The following DGLUCY variants were observed in gnomAD, a reference collection of about 807,000 sequenced individuals.
DGLUCY encodes the protein D-glutamate cyclase, mitochondrial.
DGLUCY carries 58 observed loss-of-function variants against 58.5 expected under a neutral mutation model. The observed-to-expected ratio is 0.99, with a 90% CI of 0.80 to 1.23. The LOEUF (loss-of-function observed/expected upper bound fraction) is 1.23. Ranked by LOEUF, DGLUCY falls within the 50% of genes most tolerant of loss-of-function variation. DGLUCY has a pLI of 0.00. For missense variants in DGLUCY, 779 were observed against 784.7 expected (o/e 0.99, Z 0.09); for synonymous variants, 325 against 314.1 (o/e 1.03, Z -0.37).
chr14:91,189,285 T>C, intron 9 of DGLUCY, 115 bp downstream of exon 9: 1 of 1,347,724 alleles, frequency 7.4e-7, no homozygotes, highest in Non-Finnish European at 1.0e-6. Context: ...AACAACTCCG[T>C]TGTAAGCTGC....
intron 1 of DGLUCY, among the ~76,000 whole-genome samples, chr14:91,072,882 G>A (rs1294099483): frequency 2.6e-5 from 4 of 151,974 alleles, no homozygotes; most frequent in Non-Finnish European, 2.9e-5. Flanking sequence ...GGTGGCGGGC[G>A]CCTGTCGTCC....
chr14:91,069,979 G>A (rs2043889162), intron 1 of DGLUCY, among the ~76,000 whole-genome samples: 1 of 151,532 alleles, frequency 6.6e-6, no homozygotes, highest in Admixed American at 6.6e-5. Flanking sequence ...TAAATAAGAA[G>A]GCATTTAGTT....
At chr14:91,116,803 G>C (rs57595747) in intron 1 of DGLUCY, among the ~76,000 whole-genome samples, 4,544 of 152,146 alleles carry the variant, frequency 0.03, 213 homozygotes, top group African/African-American at 0.1. Flanking sequence ...AATTAGCTGG[G>C]TGTGGTGGTA....
intron 1 of DGLUCY, among the ~76,000 whole-genome samples, chr14:91,138,630 C>T (rs2046474699): frequency 1.3e-5 from 2 of 152,170 alleles, no homozygotes; most frequent in African/African-American, 4.8e-5. Context: ...ATTTAAGCAC[C>T]TCCACAAGGT....
chr14:91,177,314 A>G (rs57062775), intron 7 of DGLUCY, among the ~76,000 whole-genome samples: 17,538 of 152,228 alleles, frequency 0.12, 1,486 homozygotes, highest in African/African-American at 0.22. Flanking sequence ...GATTAAATAT[A>G]TATTTTTATC....
At chr14:91,083,326 G>A (rs143452196) in intron 1 of DGLUCY, among the ~76,000 whole-genome samples, 5 of 152,138 alleles carry the variant, frequency 3.3e-5, no homozygotes, top group East Asian at 1.9e-4. Context: ...GTTCGAGACC[G>A]GCCTGGCCAA....
At chr14:91,132,789 A>C (rs1203182840) in intron 1 of DGLUCY, among the ~76,000 whole-genome samples, 1 of 151,598 alleles carries the variant, frequency 6.6e-6, no homozygotes, top group Non-Finnish European at 1.5e-5. Context: ...GAACTTTTTC[A>C]TCTTCCCAAA....
chr14:91,115,283 G>A (rs989328069), intron 1 of DGLUCY: 3 of 152,764 alleles, frequency 2.0e-5, no homozygotes, highest in Non-Finnish European at 4.4e-5. Flanking sequence ...AAGAAAGAAA[G>A]CTGACTTGGC....
intron 1 of DGLUCY, among the ~76,000 whole-genome samples, chr14:91,072,918 A>G (rs1385157881): frequency 1.3e-5 from 2 of 152,158 alleles, no homozygotes; most frequent in Non-Finnish European, 2.9e-5. Flanking sequence ...CTGAGGCATG[A>G]GAATGGCATG....
chr14:91,096,119 A>G (rs181073293), intron 1 of DGLUCY, among the ~76,000 whole-genome samples: 306 of 152,272 alleles, frequency 2.0e-3, no homozygotes, highest in East Asian at 4.6e-3. Flanking sequence ...CTCACTTTGT[A>G]TTGCACAAGT....
chr14:91,179,886 C>A (rs1447911673), intron 7 of DGLUCY, among the ~76,000 whole-genome samples: 2 of 75,992 alleles, frequency 2.6e-5, no homozygotes, highest in African/African-American at 1.1e-4. Context: ...ATGCTAAACA[C>A]TTTTTTTTTT....
chr14:91,219,149 CAG>C (rs1327466993), intron 13 of DGLUCY, among the ~76,000 whole-genome samples: 1 of 151,294 alleles, frequency 6.6e-6, no homozygotes, highest in Non-Finnish European at 1.5e-5. Flanking sequence ...CACTGCACTC[CAG>C]CCTGGGTGAC....
intron 9 of DGLUCY, 93 bp from the exon 10 acceptor site, chr14:91,196,282 G>T: frequency 1.1e-6 from 1 of 912,122 alleles, no homozygotes; most frequent in East Asian, 2.5e-5. Flanking sequence ...CAACAGTAAT[G>T]ATACCCTTCA....
At position 91,193,757 on chromosome 14, in the gene DGLUCY, G is replaced by A. The variant is rs142654864; in HGVS notation, c.1196-2618G>A. ...CTAGGGAGGCTGAGGCAGGAGAACC[G>A]CTTGAACCTGGGAAGTGGAGGTTGC... On this transcript the variant is annotated intron_variant, in intron 9 of 13. Coordinates refer to ENST00000256324, the MANE Select transcript of DGLUCY (RefSeq NM_001102368.3). Among the ~76,000 whole-genome samples the A allele has an allele frequency of 6.9e-3, 1,043 of 151,644 alleles. 24 individuals are homozygous for A. In the East Asian group the frequency reaches 0.073, roughly 11 times the overall value.
intron 1 of DGLUCY, among the ~76,000 whole-genome samples, chr14:91,064,639 A>G (rs1961604): frequency 0.015 from 2,290 of 150,716 alleles, 53 homozygotes; most frequent in African/African-American, 0.046. Context: ...AAAAAAAAAA[A>G]AAAAGAAAAG....
At chr14:91,086,296 C>T (rs2044218588) in intron 1 of DGLUCY, among the ~76,000 whole-genome samples, 1 of 152,112 alleles carries the variant, frequency 6.6e-6, no homozygotes, top group Non-Finnish European at 1.5e-5. Context: ...ATATAATGCA[C>T]TTCAATTATC....
chr14:91,087,334 A>G (rs1026729863), intron 1 of DGLUCY, among the ~76,000 whole-genome samples: 5 of 152,230 alleles, frequency 3.3e-5, no homozygotes, highest in Non-Finnish European at 5.9e-5. Context: ...TGATGGGTGT[A>G]TAAAGTGAAG....
chr14:91,174,479 T>C (rs2048750363), intron 6 of DGLUCY, among the ~76,000 whole-genome samples: 2 of 152,080 alleles, frequency 1.3e-5, no homozygotes, highest in South Asian at 4.1e-4. Flanking sequence ...CTAATTTTTG[T>C]ATTTTTAGTA....
intron 13 of DGLUCY, chr14:91,220,763 G>C (rs756906435): frequency 4.6e-6 from 2 of 436,702 alleles, no homozygotes; most frequent in South Asian, 3.2e-5. Flanking sequence ...CCATGTTCCC[G>C]CCTGCCTCGT....
Sources: allele counts gnomAD v4.1 joint callset (sites outside exome capture counted in the v4.1 genomes callset), GRCh38; gene constraint gnomAD v4.1.1; transcripts MANE v1.5; gene names NCBI Gene and HGNC (gene_info 2026-07-23, HGNC 2026-07-21).